The following AP1M1 variants were observed in gnomAD, a reference collection of about 807,000 sequenced individuals.
AP1M1 encodes AP-1 complex subunit mu-1.
In AP1M1, 18 loss-of-function variants were observed where a neutral mutation model predicts 57.1. The ratio of observed to expected loss-of-function variants is 0.32; its 90% confidence interval spans 0.22 to 0.47. The LOEUF (loss-of-function observed/expected upper bound fraction) is 0.47, where lower values mean the gene tolerates loss of function less well. Ranked by LOEUF, AP1M1 falls within the 20% of genes least tolerant of loss-of-function variation. AP1M1 has a pLI of 1.00. For missense variants in AP1M1, 362 were observed against 593.5 expected (o/e 0.61, Z 4.05); for synonymous variants, 241 against 237.9 (o/e 1.01, Z -0.12).
chr19:16,214,696 G>A (rs776380629), intron 5 of AP1M1, among the ~76,000 whole-genome samples: 50 of 151,834 alleles, frequency 3.3e-4, no homozygotes, highest in Non-Finnish European at 5.4e-4. Flanking sequence ...TTGTACAGCA[G>A]GTCTGCTGGT....
At chr19:16,208,978 G>A (rs1156268579) in intron 4 of AP1M1, 52 bp from the exon 5 acceptor site, 12 of 1,578,744 alleles carry the variant, frequency 7.6e-6, no homozygotes, top group Non-Finnish European at 9.5e-6. Flanking sequence ...GCCAGAAGCT[G>A]TGGCGTTGGT....
At position 16,227,190 on chromosome 19, in the gene AP1M1, C is replaced by G. The variant is rs991048548; in HGVS notation, c.674-358C>G. On this transcript the variant is annotated intron_variant, in intron 6 of 11. Transcript: ENST00000291439. This position sits in a 1 kb window ranked among gnomAD's most constrained non-coding sequence, Gnocchi z 6.2. Reference sequence around the variant, plus strand: ...GGCAAACCAAGGTAGGACCCAGGACCCCGTGGATGCCAGGGCCTGAGCCCT... The same window carrying G: ...GGCAAACCAAGGTAGGACCCAGGACGCCGTGGATGCCAGGGCCTGAGCCCT... Among the ~76,000 whole-genome samples the G allele has an allele frequency of 1.3e-5, 2 of 152,160 alleles. No homozygotes were observed. The highest frequency in any genetic ancestry group is 2.4e-5 in the African/African-American group (1 of 41,442).
rs952055620 is a variant in AP1M1 at position 16,198,108 on chromosome 19, G to A, written c.42+40G>A. 4 of 1,586,544 alleles carry A rather than the reference G, an allele frequency of 2.5e-6. No individual in the cohort carries two copies. The African/African-American group carries it at 5.6e-5, about 22-fold the overall frequency. ...CCACCCTCCCTGTTGCCAGGCAACC[G>A]GCAGGGGCCTCCGCCCGCGGGGACC... On this transcript the variant is annotated intron_variant, in intron 1 of 11. Coordinates refer to ENST00000291439, the MANE Select transcript of AP1M1 (RefSeq NM_032493.4).
chr19:16,222,196 A>ATTTT, intron 5 of AP1M1, among the ~76,000 whole-genome samples: 1 of 116,570 alleles, frequency 8.6e-6, no homozygotes, highest in African/African-American at 3.2e-5. Flanking sequence ...TATTATTATT[A>ATTTT]CTATTATTAT....
At chr19:16,199,118 T>C (rs2091437084) in intron 1 of AP1M1, among the ~76,000 whole-genome samples, 1 of 152,176 alleles carries the variant, frequency 6.6e-6, no homozygotes, top group Non-Finnish European at 1.5e-5. Flanking sequence ...CAACAATCTG[T>C]GTTCTTACGG....
At position 16,203,789 on chromosome 19, in the gene AP1M1, A is replaced by G. The variant is rs1308297526; in HGVS notation, c.199+174A>G. Among the ~76,000 whole-genome samples the G allele has an allele frequency of 1.3e-5, 2 of 152,112 alleles. No individual in the cohort carries two copies. The highest frequency in any genetic ancestry group is 2.9e-5 in the Non-Finnish European group (2 of 68,014). On this transcript the variant is annotated intron_variant, in intron 2 of 11. Transcript: ENST00000291439. The surrounding 1 kb of genome is among the most constrained non-coding windows in gnomAD (Gnocchi z 4.6). ...AGACAGGCAGACAATGCACGATGAC[A>G]TGTGTGATGGGTGTGGGGAGAGGAG... is the stretch of plus-strand genomic sequence containing the variant.
Position 16,209,121 on chromosome 19 carries a change from A to G in AP1M1, c.490A>G (p.Ile164Val), listed in dbSNP as rs2091482396. ...CGCGGTGTCCTGGCGGTCCGAAGGC[A>G]TCAAGTATCGGAAGAATGAGGTGTT... ...TNAVSWRSEGIKYRKNEVFLD... is the reference protein window; with the variant it reads ...TNAVSWRSEGVKYRKNEVFLD... The change falls in exon 5 of 12, where the codon ATC becomes GTC. Residue 164 changes from isoleucine (I) to valine (V), a missense_variant. Physicochemically the swap from Ile to Val is conservative, Grantham distance 29 (BLOSUM62 3). Coordinates refer to ENST00000291439, the MANE Select transcript of AP1M1 (RefSeq NM_032493.4). The G allele has an allele frequency of 6.2e-7, 1 of 1,614,148 alleles. No individual in the cohort carries two copies. The highest frequency in any genetic ancestry group is 1.3e-5 in the African/African-American group (1 of 74,948).
chr19:16,209,666 G>T (rs1320973124), intron 5 of AP1M1, among the ~76,000 whole-genome samples: 1 of 151,872 alleles, frequency 6.6e-6, no homozygotes, highest in Admixed American at 6.6e-5. Context: ...GAAAGATTAG[G>T]ATTTATTCAC....
At chr19:16,201,860 C>T (rs914362584) in intron 1 of AP1M1, among the ~76,000 whole-genome samples, 5 of 152,282 alleles carry the variant, frequency 3.3e-5, no homozygotes, top group East Asian at 3.9e-4. Flanking sequence ...GGCAGAGAGG[C>T]GTCAGAGGGG....
rs1395078578 is a variant in AP1M1, at chr19:16,207,038, A to G, written c.267+630A>G. 2.0e-5 allele frequency among the ~76,000 whole-genome samples: 3 copies of G among 152,218 alleles called. No homozygotes were observed. The highest frequency in any genetic ancestry group is 4.4e-5 in the Non-Finnish European group (3 of 68,034). On this transcript the variant is annotated intron_variant, in intron 3 of 11. Transcript: ENST00000291439. The surrounding 1 kb of genome is among the most constrained non-coding windows in gnomAD (Gnocchi z 4.2). ...GTGGAGGGCTTTAAGCAGGAGACTG[A>G]CAAGACGTGGTTTGATCTAAAGCAG...
At position 16,244,190 on chromosome 19, in the gene AP1M1, G is replaced by C. The variant is rs2091654875; in HGVS notation, c.*9755G>C. The C allele has an allele frequency of 6.6e-6, 1 of 152,134 alleles. No individual in the cohort carries two copies. Among genetic ancestry groups the C allele is most frequent in the African/African-American group, 2.4e-5 (1 of 41,420 alleles). The allele number at this position is 152,134 out of a possible 1,614,324, so 9.4% of individuals were successfully genotyped here. A position where few individuals can be genotyped will look rare whatever the true frequency, so the allele number is the denominator to read the frequency against. On this transcript the variant is annotated 3_prime_UTR_variant, in exon 12 of 12. Transcript: ENST00000291439. The stretch of plus-strand genomic sequence containing the variant: ...TTCAAAGGAACCCAGAAAACAGTTG[G>C]GTGACATTTTCAACATGCTAAAAGA...
Position 16,227,456 on chromosome 19 carries a change from G to A in AP1M1, c.674-92G>A, listed in dbSNP as rs906110665. On this transcript the variant is annotated intron_variant, in intron 6 of 11. Transcript: ENST00000291439. The surrounding 1 kb of genome is among the most constrained non-coding windows in gnomAD (Gnocchi z 6.2). Reference sequence around the variant, plus strand: ...TCTCAGTGCGTGGACTGGGGGCCCTGCTCTGCCGGGGTGGGTTGCAGGTGG... The same window carrying A: ...TCTCAGTGCGTGGACTGGGGGCCCTACTCTGCCGGGGTGGGTTGCAGGTGG... 4 of 1,475,076 alleles carry A rather than the reference G, an allele frequency of 2.7e-6. No homozygotes were observed. The South Asian group carries it at 3.7e-5, about 14-fold the overall frequency. The allele number at this position is 1,475,076 out of a possible 1,614,324, so 91.4% of individuals were successfully genotyped here.
chr19:16,214,908 C>G lies in AP1M1; in HGVS notation c.546+5731C>G, dbSNP rs768197139. ...GGACTATAGGCAGGTACCACCACAC[C>G]CGGCTAATGTATATGTTTTTGGTAG... On this transcript the variant is annotated intron_variant, in intron 5 of 11. Coordinates refer to ENST00000291439, the MANE Select transcript of AP1M1 (RefSeq NM_032493.4). 3.6e-4 allele frequency among the ~76,000 whole-genome samples: 54 copies of G among 151,874 alleles called. 1 individual carries two copies. Among genetic ancestry groups the G allele is most frequent in the Middle Eastern group, 6.8e-3 (2 of 294 alleles).
In AP1M1 at chr19:16,233,588, G is replaced by C; in HGVS notation, c.1143G>C (p.Glu381Asp). 1 of 1,611,568 alleles carries C rather than the reference G, an allele frequency of 6.2e-7. No individual in the cohort carries two copies. The highest frequency in any genetic ancestry group is 8.5e-7 in the Non-Finnish European group (1 of 1,179,094). The change falls in exon 10 of 12, where the codon GAG becomes GAC. Residue 381 changes from glutamate (E) to aspartate (D), a missense_variant. By Grantham distance (45) the Glu-to-Asp change is conservative. Coordinates refer to ENST00000291439, the MANE Select transcript of AP1M1 (RefSeq NM_032493.4). ...AGCCCCCGATCAGTGTCAAGTTCGA[G>C]ATCCCTTACTTCACTACCTCCGGCA... Reference protein sequence around the residue: ...EGKPPISVKFEIPYFTTSGIQ... With the variant: ...EGKPPISVKFDIPYFTTSGIQ...
chr19:16,198,207 A>C, intron 1 of AP1M1, 139 bp downstream of exon 1: 2 of 844,574 alleles, frequency 2.4e-6, no homozygotes, highest in Non-Finnish European at 3.5e-6. Flanking sequence ...ACCTCACCTG[A>C]GAGCCCCATC....
At position 16,209,012 on chromosome 19, in the gene AP1M1, G is replaced by A. The variant is rs1237603236; in HGVS notation, c.399-18G>A. ...GTGCGGGTACCACCTCCTTCACTCT[G>A]AGCGTGTGGCCCCACAGGTACATCA... On this transcript the variant is annotated intron_variant, in intron 4 of 11. Transcript: ENST00000291439. 1 of 1,610,508 alleles carries A rather than the reference G, an allele frequency of 6.2e-7. No individual in the cohort carries two copies. Among genetic ancestry groups the A allele is most frequent in the Non-Finnish European group, 8.5e-7 (1 of 1,177,640 alleles).
At position 16,206,405 on chromosome 19, in the gene AP1M1, G is replaced by A. The variant is rs185628212; in HGVS notation, c.264G>A (p.Val88=). The change falls in exon 3 of 12, where the codon GTG becomes GTA. Residue 88 remains valine (V), a synonymous_variant. Transcript: ENST00000291439. The surrounding 1 kb of genome is among the most constrained non-coding windows in gnomAD (Gnocchi z 4.3). ...TCTTTTCTTTCCTCTATAAGGTGGT[G>A]CAGGTGAGTCTCGCTCGGAGGGGCC... ...SLVFSFLYKV[V]QVFSEYFKEL... The A allele has an allele frequency of 9.9e-6, 16 of 1,614,090 alleles. No individual in the cohort carries two copies. The African/African-American group carries it at 1.5e-4, about 15-fold the overall frequency.
chr19:16,209,204 G>A (rs758529330), intron 5 of AP1M1, 27 bp downstream of exon 5: 10 of 1,612,004 alleles, frequency 6.2e-6, no homozygotes, highest in South Asian at 1.1e-5. Flanking sequence ...TCCTTCTTCT[G>A]TAGGGTTTTA....
Position 16,203,645 on chromosome 19 carries a change from G to T in AP1M1, c.199+30G>T. ...CCCTTTGCTGGGGGTGCTCCCAGGG[G>T]ACTCCTGTGTGGGTGTTGGTGTGTG... On this transcript the variant is annotated intron_variant, in intron 2 of 11. Transcript: ENST00000291439. This position sits in a 1 kb window ranked among gnomAD's most constrained non-coding sequence, Gnocchi z 4.6. 1 of 1,578,872 alleles carries T rather than the reference G, an allele frequency of 6.3e-7. No individual in the cohort carries two copies. The highest frequency in any genetic ancestry group is 2.2e-5 in the East Asian group (1 of 44,570).
Sources: gnomAD v4.1 joint callset for allele counts (sites outside exome capture counted in the v4.1 genomes callset) on GRCh38, gnomAD v4.1.1 for gene constraint, Gnocchi (gnomAD v3.1) non-coding constraint, MANE v1.5 for transcripts, NCBI Gene and HGNC (gene_info 2026-07-23, HGNC 2026-07-21) for gene names.